The following ZFAND3 variants were observed in gnomAD, a reference collection of about 807,000 sequenced individuals.
The protein encoded by ZFAND3 is zinc finger AN1-type containing 3.
A neutral mutation model predicts 29.6 loss-of-function variants in ZFAND3; 10 were observed. The ratio of observed to expected loss-of-function variants is 0.34; its 90% CI spans 0.21 to 0.57. The LOEUF (loss-of-function observed/expected upper bound fraction) is 0.57. ZFAND3 is among the 20% of genes least tolerant of loss of function. The pLI is 0.86. For synonymous variants in ZFAND3, 128 were observed against 112.6 expected (o/e 1.14, Z -0.87); for missense variants, 230 against 304.5 (o/e 0.76, Z 1.82).
chr6:37,832,576 T>G (rs1266674297), intron 1 of ZFAND3, among the ~76,000 whole-genome samples: 1 of 152,098 alleles, frequency 6.6e-6, no homozygotes, highest in African/African-American at 2.4e-5. Flanking sequence ...GTGAGAGAGA[T>G]GATTAGTTTT....
At chr6:37,945,589 A>C (rs1352299223) in intron 2 of ZFAND3, among the ~76,000 whole-genome samples, 1 of 152,076 alleles carries the variant, frequency 6.6e-6, no homozygotes, top group Non-Finnish European at 1.5e-5. Context: ...TGGCTAGTCT[A>C]GTCTCGAACT....
chr6:37,993,449 C>T (rs546354760), intron 2 of ZFAND3, among the ~76,000 whole-genome samples: 3 of 152,280 alleles, frequency 2.0e-5, no homozygotes, highest in Admixed American at 6.5e-5. Flanking sequence ...GCCTCACCCT[C>T]GCAAGTAGCT....
At chr6:37,930,032 T>G in intron 2 of ZFAND3, 33 bp downstream of exon 2, 1 of 1,552,920 alleles carries the variant, frequency 6.4e-7, no homozygotes, top group Non-Finnish European at 8.7e-7. Flanking sequence ...TTAATTTACT[T>G]TCATTTTTCT....
At chr6:38,047,519 T>C (rs1305837119) in intron 2 of ZFAND3, among the ~76,000 whole-genome samples, 1 of 152,166 alleles carries the variant, frequency 6.6e-6, no homozygotes, top group East Asian at 1.9e-4. Flanking sequence ...AAGTTTTCTG[T>C]GCACACACAC....
intron 3 of ZFAND3, among the ~76,000 whole-genome samples, chr6:38,066,944 G>A (rs547467424): frequency 6.6e-6 from 1 of 152,192 alleles, no homozygotes; most frequent in South Asian, 2.1e-4. Context: ...GTGTGTGTCT[G>A]CAGAAGAGTC....
At chr6:37,858,855 G>A (rs1034130887) in intron 1 of ZFAND3, among the ~76,000 whole-genome samples, 1 of 152,180 alleles carries the variant, frequency 6.6e-6, no homozygotes, top group African/African-American at 2.4e-5. Context: ...TGTTTATAGT[G>A]CTCTGCTGCA....
At chr6:37,837,567 C>A (rs2127371790) in intron 1 of ZFAND3, among the ~76,000 whole-genome samples, 1 of 150,108 alleles carries the variant, frequency 6.7e-6, no homozygotes, top group Non-Finnish European at 1.5e-5. Context: ...TGCAATGGTG[C>A]AATCTTGGCT....
chr6:37,984,547 A>G (rs1224935378), intron 2 of ZFAND3, among the ~76,000 whole-genome samples: 3 of 152,238 alleles, frequency 2.0e-5, no homozygotes, highest in Non-Finnish European at 4.4e-5. Flanking sequence ...TAGGATGTGA[A>G]GATGGTACTT....
chr6:38,093,592 A>G (rs1764915162), intron 4 of ZFAND3, among the ~76,000 whole-genome samples: 1 of 152,142 alleles, frequency 6.6e-6, no homozygotes, highest in Non-Finnish European at 1.5e-5. Flanking sequence ...GAAAGGAGAA[A>G]GCTTCCCACA....
At chr6:37,991,552 C>T (rs1007540895) in intron 2 of ZFAND3, among the ~76,000 whole-genome samples, 1 of 152,056 alleles carries the variant, frequency 6.6e-6, no homozygotes, top group Non-Finnish European at 1.5e-5. Context: ...GGGGTTTTAC[C>T]ATGTTGGCCA....
At chr6:38,144,218 A>ATATATATAAT (rs1554183997) in intron 5 of ZFAND3, among the ~76,000 whole-genome samples, 22 of 31,442 alleles carry the variant, frequency 7.0e-4, no homozygotes, top group African/African-American at 3.9e-3. Context: ...TATAATATAT[A>ATATATATAAT]ATATATATAT....
intron 5 of ZFAND3, among the ~76,000 whole-genome samples, chr6:38,145,263 C>T (rs528157194): frequency 2.6e-4 from 40 of 152,308 alleles, no homozygotes; most frequent in Admixed American, 6.5e-4. Context: ...CCAGCATTGT[C>T]GAGAGGTAAA....
intron 4 of ZFAND3, among the ~76,000 whole-genome samples, chr6:38,095,142 G>A (rs900908327): frequency 1.4e-4 from 21 of 152,062 alleles, no homozygotes; most frequent in African/African-American, 4.6e-4. Context: ...TCAGGCCACC[G>A]TGATACATGC....
In ZFAND3 at chr6:38,152,423, T is replaced by G; in HGVS notation, c.*34T>G. 2.0e-6 allele frequency: 3 copies of G among 1,526,192 alleles called. No homozygotes were observed. Among genetic ancestry groups the G allele is most frequent in the Non-Finnish European group, 2.6e-6 (3 of 1,137,728 alleles). The allele number at this position is 1,526,192 out of a possible 1,614,324, so 94.5% of individuals were successfully genotyped here. ...CATGGCCACCACGTGACGCTGTTCT[T>G]AGTTCACTAATGTTAGCCTTATTTA... On this transcript the variant is annotated 3_prime_UTR_variant, in exon 6 of 6. Coordinates refer to ENST00000287218, the MANE Select transcript of ZFAND3 (RefSeq NM_021943.3).
chr6:38,149,949 G>A (rs1766187968), intron 5 of ZFAND3, among the ~76,000 whole-genome samples: 1 of 152,178 alleles, frequency 6.6e-6, no homozygotes, highest in African/African-American at 2.4e-5. Context: ...AAGTACAGAA[G>A]TATGTCAGGA....
intron 2 of ZFAND3, among the ~76,000 whole-genome samples, chr6:38,034,345 C>G (rs894443236): frequency 1.3e-5 from 2 of 152,094 alleles, no homozygotes; most frequent in Admixed American, 1.3e-4. Context: ...TTGGGGTTGG[C>G]CTAATATACT....
intron 2 of ZFAND3, among the ~76,000 whole-genome samples, chr6:38,021,184 C>G (rs1420621259): frequency 6.6e-6 from 1 of 151,936 alleles, no homozygotes; most frequent in African/African-American, 2.4e-5. Flanking sequence ...CCCTGCTGAG[C>G]TTTACAATTG....
chr6:37,993,791 C>G (rs1762802077), intron 2 of ZFAND3, among the ~76,000 whole-genome samples: 1 of 152,128 alleles, frequency 6.6e-6, no homozygotes, highest in Non-Finnish European at 1.5e-5. Context: ...TTATCTTACT[C>G]AGATCAAAAT....
At position 38,014,772 on chromosome 6, in the gene ZFAND3, G is replaced by T. The variant is rs60883115; in HGVS notation, c.113-46821G>T. Among the ~76,000 whole-genome samples the T allele has an allele frequency of 0.017, 2,590 of 152,272 alleles. 255 individuals carry two copies. In the East Asian group the frequency reaches 0.28, roughly 16 times the overall value. ...TTGGCGGGTGGTCCTATTTTCTAAA[G>T]GGAGGAGGCATTTCCTATTTAATCT... On this transcript the variant is annotated intron_variant, in intron 2 of 5. Transcript: ENST00000287218.
Sources: allele counts gnomAD v4.1 joint callset (sites outside exome capture counted in the v4.1 genomes callset), GRCh38; gene constraint gnomAD v4.1.1; transcripts MANE v1.5; gene names NCBI Gene and HGNC (gene_info 2026-07-23, HGNC 2026-07-21).